Variants in KCTD16 observed in about 807,000 individuals in gnomAD.
The protein encoded by KCTD16 is BTB/POZ domain-containing protein KCTD16.
A neutral mutation model predicts 33.2 loss-of-function variants in KCTD16; 13 were observed. The observed-to-expected ratio is 0.39, with a 90% CI of 0.25 to 0.62. The LOEUF (loss-of-function observed/expected upper bound fraction) is 0.62. KCTD16 is among the 20% of genes least tolerant of loss of function. The probability of loss-of-function intolerance (pLI) is 0.50; values close to 1 mark genes in which losing one functional copy is unlikely to be tolerated. For missense variants in KCTD16, 441 were observed against 525.1 expected (o/e 0.84, Z 1.57); for synonymous variants, 197 against 195.3 (o/e 1.01, Z -0.07).
intron 3 of KCTD16, among the ~76,000 whole-genome samples, chr5:144,271,760 TACACACACAC>T: frequency 6.8e-6 from 1 of 146,212 alleles, no homozygotes; most frequent in African/African-American, 2.5e-5. Flanking sequence ...GACTAAAAAC[TACACACACAC>T]ACACACACAC....
At chr5:144,384,519 T>C (rs909547397) in intron 3 of KCTD16, among the ~76,000 whole-genome samples, 1 of 152,228 alleles carries the variant, frequency 6.6e-6, no homozygotes, top group Non-Finnish European at 1.5e-5. Context: ...ATTTATTTTT[T>C]CATTATAGCG....
intron 3 of KCTD16, among the ~76,000 whole-genome samples, chr5:144,359,356 C>T (rs191790711): frequency 9.1e-4 from 139 of 152,152 alleles, no homozygotes; most frequent in African/African-American, 3.2e-3. Flanking sequence ...CCAAATTGTC[C>T]TAAGTAGGTC....
intron 3 of KCTD16, among the ~76,000 whole-genome samples, chr5:144,220,815 C>A (rs1394481963): frequency 6.6e-6 from 1 of 152,018 alleles, no homozygotes; most frequent in African/African-American, 2.4e-5. Context: ...GTGGCGGGCA[C>A]CTGTAGTCCC....
At chr5:144,180,117 A>G (rs990310156) in intron 2 of KCTD16, among the ~76,000 whole-genome samples, 7 of 152,158 alleles carry the variant, frequency 4.6e-5, no homozygotes, top group African/African-American at 1.7e-4. Flanking sequence ...AAAGATTCTA[A>G]TTTGGAGATC....
intron 3 of KCTD16, among the ~76,000 whole-genome samples, chr5:144,350,110 G>C (rs1334456690): frequency 6.6e-6 from 1 of 152,180 alleles, no homozygotes; most frequent in African/African-American, 2.4e-5. Context: ...GAATTATCCA[G>C]AATAATTGGC....
At chr5:144,416,132 T>C (rs996465059) in intron 3 of KCTD16, among the ~76,000 whole-genome samples, 4 of 152,204 alleles carry the variant, frequency 2.6e-5, no homozygotes, top group Non-Finnish European at 5.9e-5. Context: ...TTAATCCTGT[T>C]ATACAGATGA....
chr5:144,202,478 CAAG>C (rs1281310591), intron 2 of KCTD16, among the ~76,000 whole-genome samples: 1 of 152,118 alleles, frequency 6.6e-6, no homozygotes, highest in Non-Finnish European at 1.5e-5. Flanking sequence ...ACTAAAGAAA[CAAG>C]AAGGAGTACA....
intron 3 of KCTD16, among the ~76,000 whole-genome samples, chr5:144,380,860 C>A (rs920198428): frequency 2.0e-5 from 3 of 151,900 alleles, no homozygotes; most frequent in African/African-American, 7.3e-5. Flanking sequence ...CTACAAAAAC[C>A]CCAGAAGAAA....
At chr5:144,432,788 T>G (rs1047152708) in intron 3 of KCTD16, among the ~76,000 whole-genome samples, 25 of 152,326 alleles carry the variant, frequency 1.6e-4, no homozygotes, top group African/African-American at 5.8e-4. Context: ...AGACTTTCTT[T>G]TTTATTTACA....
rs1753206554 is a variant in KCTD16 at position 144,207,170 on chromosome 5, C to T, written c.456C>T (p.Pro152=). 1.2e-6 allele frequency: 2 copies of T among 1,612,668 alleles called. No homozygotes were observed. Among genetic ancestry groups the T allele is most frequent in the South Asian group, 1.1e-5 (1 of 90,850 alleles). ...AAGGAAGCGACACAAGAATCTGCCC[C>T]CCTTCCTCCCTGCTCCCTGCCGACC... ...ASQGSDTRIC[P]PSSLLPADRK... is the part of the protein sequence containing the mutation. The change falls in exon 3 of 4, where the codon CCC becomes CCT. Residue 152 remains proline (P), a synonymous_variant. Coordinates refer to ENST00000512467, the MANE Select transcript of KCTD16 (RefSeq NM_020768.4).
rs956075081 is a variant in KCTD16, at chr5:144,200,505, A to G, written c.-326-5884A>G. 9.2e-5 allele frequency among the ~76,000 whole-genome samples: 14 copies of G among 152,364 alleles called. No individual in the cohort carries two copies. The East Asian group carries it at 2.5e-3, about 27-fold the overall frequency. On this transcript the variant is annotated intron_variant, in intron 2 of 3. Coordinates refer to ENST00000512467, the MANE Select transcript of KCTD16 (RefSeq NM_020768.4). ...GCTGCCTTCTTCATCTGTTTCTTACATAGCAAATTACTTCCTAGAATGTCT... is the reference window on the plus strand; with the variant it reads ...GCTGCCTTCTTCATCTGTTTCTTACGTAGCAAATTACTTCCTAGAATGTCT...
intron 3 of KCTD16, among the ~76,000 whole-genome samples, chr5:144,352,344 G>A (rs1751463705): frequency 6.6e-6 from 1 of 152,150 alleles, no homozygotes; most frequent in Non-Finnish European, 1.5e-5. Context: ...GACATTGTGA[G>A]GTTCATTCAT....
chr5:144,406,302 T>C (rs1469394802), intron 3 of KCTD16, among the ~76,000 whole-genome samples: 1 of 152,206 alleles, frequency 6.6e-6, no homozygotes, highest in Non-Finnish European at 1.5e-5. Context: ...CACAGTTAGT[T>C]AGTTCCTTAC....
intron 3 of KCTD16, among the ~76,000 whole-genome samples, chr5:144,214,854 A>C (rs528283313): frequency 6.6e-6 from 1 of 152,296 alleles, no homozygotes; most frequent in Admixed American, 6.5e-5. Flanking sequence ...AGCTTTGTGA[A>C]GCCAGAAGCT....
At chr5:144,327,702 T>C (rs896136044) in intron 3 of KCTD16, among the ~76,000 whole-genome samples, 1 of 152,158 alleles carries the variant, frequency 6.6e-6, no homozygotes, top group Non-Finnish European at 1.5e-5. Flanking sequence ...TTTTTGGAAA[T>C]ATTTTTCATC....
intron 3 of KCTD16, among the ~76,000 whole-genome samples, chr5:144,316,005 A>T (rs113270097): frequency 0.02 from 2,993 of 146,208 alleles, 99 homozygotes; most frequent in African/African-American, 0.071. Flanking sequence ...TTTTTTTTTT[A>T]AAAGGTCAGC....
chr5:144,293,339 A>G (rs1193667950), intron 3 of KCTD16, among the ~76,000 whole-genome samples: 1 of 152,182 alleles, frequency 6.6e-6, no homozygotes, highest in Non-Finnish European at 1.5e-5. Flanking sequence ...CCTGTTGTGA[A>G]TGTTTAAGGA....
rs141722128 is a variant in KCTD16, at chr5:144,262,147, C to T, written c.832+54601C>T. 5.7e-3 allele frequency among the ~76,000 whole-genome samples: 866 copies of T among 152,186 alleles called. 2 individuals carry two copies. The highest frequency in any genetic ancestry group is 0.017 in the Middle Eastern group (5 of 294). On this transcript the variant is annotated intron_variant, in intron 3 of 3. Coordinates refer to ENST00000512467, the MANE Select transcript of KCTD16 (RefSeq NM_020768.4). Reference sequence around the variant, plus strand: ...ATGAGATGGGTAAGAATTAATGGATCGGGGAAGGCCTCTCTAAGCAGGGAA... The same window carrying T: ...ATGAGATGGGTAAGAATTAATGGATTGGGGAAGGCCTCTCTAAGCAGGGAA...
chr5:144,210,402 GT>G (rs1484462496), intron 3 of KCTD16, among the ~76,000 whole-genome samples: 1 of 152,156 alleles, frequency 6.6e-6, no homozygotes, highest in Non-Finnish European at 1.5e-5. Flanking sequence ...AACTAAAAGA[GT>G]TAATATGAGT....
Sources: gnomAD v4.1 joint callset for allele counts (sites outside exome capture counted in the v4.1 genomes callset) on GRCh38, gnomAD v4.1.1 for gene constraint, MANE v1.5 for transcripts, NCBI Gene and HGNC (gene_info 2026-07-23, HGNC 2026-07-21) for gene names.